The following ROBO1 variants were observed in gnomAD, a reference collection of about 807,000 sequenced individuals.
ROBO1 encodes the protein roundabout guidance receptor 1.
In ROBO1, 149 loss-of-function variants were observed where a neutral mutation model predicts 195.9. The ratio of observed to expected loss-of-function variants is 0.76; its 90% confidence interval spans 0.67 to 0.87. The LOEUF is 0.87. Among genes scored for constraint, ROBO1 ranks in the 40% least tolerant of loss-of-function variants. ROBO1 has a pLI of 0.00. For synonymous variants in ROBO1, 816 were observed against 733.2 expected, an observed-to-expected ratio of 1.11 and a Z score of -1.82; for missense variants, 1,933 against 2,068.3, an observed-to-expected ratio of 0.93 and a Z score of 1.27.
At chr3:79,332,336 A>T (rs1384868756) in intron 2 of ROBO1, among the ~76,000 whole-genome samples, 1 of 152,192 alleles carries the variant, frequency 6.6e-6, no homozygotes, top group Non-Finnish European at 1.5e-5. Flanking sequence ...TAAAATTTCA[A>T]AAGTGAATCT....
chr3:79,720,631 G>A (rs1284321362), intron 1 of ROBO1, among the ~76,000 whole-genome samples: 1 of 152,102 alleles, frequency 6.6e-6, no homozygotes, highest in Admixed American at 6.5e-5. Flanking sequence ...AATAACTAGT[G>A]ATTTCAAATT....
At chr3:78,681,121 G>T (rs2080894290) in intron 10 of ROBO1, among the ~76,000 whole-genome samples, 1 of 151,758 alleles carries the variant, frequency 6.6e-6, no homozygotes, top group Non-Finnish European at 1.5e-5. Context: ...CTCACAGGTG[G>T]GAATTGAACA....
At chr3:79,450,109 T>C (rs1224419896) in intron 2 of ROBO1, among the ~76,000 whole-genome samples, 1 of 150,022 alleles carries the variant, frequency 6.7e-6, no homozygotes, top group Admixed American at 6.6e-5. Flanking sequence ...TCACTAGTTA[T>C]TGGGGAAAAA....
intron 1 of ROBO1, among the ~76,000 whole-genome samples, chr3:79,623,743 G>A (rs1397196259): frequency 6.6e-6 from 1 of 152,024 alleles, no homozygotes; most frequent in Non-Finnish European, 1.5e-5. Context: ...AAGGAGATGG[G>A]GAGAATGGAA....
intron 3 of ROBO1, among the ~76,000 whole-genome samples, chr3:79,012,831 T>G (rs2077818536): frequency 1.3e-5 from 2 of 152,108 alleles, no homozygotes; most frequent in South Asian, 4.1e-4. Flanking sequence ...CAAAGCTATC[T>G]CCCTGTACAC....
chr3:79,155,925 G>T (rs1446912417), intron 2 of ROBO1, among the ~76,000 whole-genome samples: 1 of 151,756 alleles, frequency 6.6e-6, no homozygotes, highest in Non-Finnish European at 1.5e-5. Flanking sequence ...TGTGCTCCAA[G>T]AATTAACAAG....
At chr3:79,413,561 GA>G (rs2037870528) in intron 2 of ROBO1, among the ~76,000 whole-genome samples, 1 of 152,098 alleles carries the variant, frequency 6.6e-6, no homozygotes, top group Non-Finnish European at 1.5e-5. Flanking sequence ...AGGATTGCTA[GA>G]TGTTTCGATT....
At chr3:78,663,079 T>C (rs80050030) in intron 14 of ROBO1, among the ~76,000 whole-genome samples, 75 of 152,180 alleles carry the variant, frequency 4.9e-4, no homozygotes, top group African/African-American at 1.8e-3. Context: ...TTCCAGATGA[T>C]TCCCCATTAC....
At chr3:78,836,658 C>T (rs1186126978) in intron 4 of ROBO1, among the ~76,000 whole-genome samples, 2 of 151,956 alleles carry the variant, frequency 1.3e-5, no homozygotes, top group Admixed American at 6.6e-5. Context: ...AGAACAACAA[C>T]CATTTACTTT....
At chr3:79,373,030 TTC>T (rs1319927565) in intron 2 of ROBO1, among the ~76,000 whole-genome samples, 3 of 152,154 alleles carry the variant, frequency 2.0e-5, no homozygotes, top group African/African-American at 4.8e-5. Flanking sequence ...GAAAACACAT[TTC>T]TGTTTACTGA....
At chr3:78,834,987 C>T (rs888741911) in intron 4 of ROBO1, among the ~76,000 whole-genome samples, 3 of 151,990 alleles carry the variant, frequency 2.0e-5, no homozygotes, top group Non-Finnish European at 4.4e-5. Flanking sequence ...ACAACTACAC[C>T]TTTAATAACA....
intron 1 of ROBO1, among the ~76,000 whole-genome samples, chr3:79,682,228 A>C (rs1190764547): frequency 6.6e-6 from 1 of 152,036 alleles, no homozygotes; most frequent in African/African-American, 2.4e-5. Flanking sequence ...CTTATACTCT[A>C]ATAATTAGCA....
At chr3:78,906,285 G>A (rs1357544179) in intron 4 of ROBO1, among the ~76,000 whole-genome samples, 1 of 151,936 alleles carries the variant, frequency 6.6e-6, no homozygotes, top group African/African-American at 2.4e-5. Flanking sequence ...TTTCAACTAG[G>A]CTCAAGTAGT....
intron 2 of ROBO1, among the ~76,000 whole-genome samples, chr3:79,520,694 A>G (rs997319977): frequency 6.6e-6 from 1 of 152,190 alleles, no homozygotes; most frequent in African/African-American, 2.4e-5. Context: ...CACGGATGAT[A>G]TAAAAGTGGA....
At chr3:79,016,796 A>G (rs987660441) in intron 3 of ROBO1, among the ~76,000 whole-genome samples, 8 of 152,214 alleles carry the variant, frequency 5.3e-5, no homozygotes, top group African/African-American at 1.9e-4. Flanking sequence ...ACGTAAATAA[A>G]CTTTAACCAG....
intron 2 of ROBO1, among the ~76,000 whole-genome samples, chr3:79,316,116 A>T (rs938717208): frequency 3.9e-5 from 6 of 152,190 alleles, no homozygotes; most frequent in Admixed American, 1.3e-4. Context: ...TATTTCAAGT[A>T]AGATTATGAC....
chr3:78,845,725 GA>G (rs1284746615), intron 4 of ROBO1, among the ~76,000 whole-genome samples: 8 of 152,144 alleles, frequency 5.3e-5, no homozygotes, highest in Admixed American at 2.6e-4. Context: ...GGAACCCCCG[GA>G]GGGGAAAGTG....
rs377394280 is a variant in ROBO1 at position 78,962,037 on chromosome 3, G to A, written c.173-23110C>T. ...GCATGTTAAAGCTGGAAAAAGAACAGATAAATTCGTCAACCCTCACATTTT... is the reference window on the plus strand; with the variant it reads ...GCATGTTAAAGCTGGAAAAAGAACAAATAAATTCGTCAACCCTCACATTTT... On this transcript the variant is annotated intron_variant, in intron 3 of 30. Coordinates refer to ENST00000464233, the MANE Select transcript of ROBO1 (RefSeq NM_002941.4). Among the ~76,000 whole-genome samples, 294 of 152,048 alleles carry A rather than the reference G, an allele frequency of 1.9e-3. 2 individuals carry two copies. The highest frequency in any genetic ancestry group is 6.8e-3 in the African/African-American group (282 of 41,474).
At chr3:79,562,647 TAAG>T (rs1036458911) in intron 2 of ROBO1, among the ~76,000 whole-genome samples, 19 of 152,052 alleles carry the variant, frequency 1.2e-4, no homozygotes, top group South Asian at 4.1e-4. Flanking sequence ...AATTAAATAA[TAAG>T]GAGATGAAAT....
Sources: gnomAD v4.1 joint callset for allele counts (sites outside exome capture counted in the v4.1 genomes callset) on GRCh38, gnomAD v4.1.1 for gene constraint, MANE v1.5 for transcripts, NCBI Gene and HGNC (gene_info 2026-07-23, HGNC 2026-07-21) for gene names.